The following ACAP1 variants were observed in gnomAD, a reference collection of about 807,000 sequenced individuals.
The protein encoded by ACAP1 is arf-GAP with coiled-coil, ANK repeat and PH domain-containing protein 1.
A neutral mutation model predicts 98.8 loss-of-function variants in ACAP1; 45 were observed. The ratio of observed to expected loss-of-function variants is 0.46; its 90% CI spans 0.36 to 0.58. ACAP1 has a LOEUF of 0.58. ACAP1 is among the 20% of genes least tolerant of loss of function. ACAP1 has a pLI of 0.00. For synonymous variants in ACAP1, 362 were observed against 375.3 expected, an observed-to-expected ratio of 0.96 and a Z score of 0.41; for missense variants, 735 against 971.4, an observed-to-expected ratio of 0.76 and a Z score of 3.24.
In ACAP1 at chr17:7,348,303, C is replaced by T. The variant is rs754515018; in HGVS notation, c.1509-3C>T. 6.3e-7 allele frequency: 1 copy of T among 1,589,938 alleles called. No homozygotes were observed. ...AAGACTGCGTGCTTCTCCCCTCCCA[C>T]AGGCAGGAGAAGGAGGCCTGGATTC... On this transcript the variant is annotated splice_polypyrimidine_tract_variant and splice_region_variant and intron_variant, in intron 16 of 21. Coordinates refer to ENST00000158762, the MANE Select transcript of ACAP1 (RefSeq NM_014716.4).
At position 7,350,861 on chromosome 17, in the gene ACAP1, C is replaced by G. The variant is rs2073400827; in HGVS notation, c.2073-89C>G. 1 of 1,304,266 alleles carries G rather than the reference C, an allele frequency of 7.7e-7. No individual in the cohort carries two copies. Among genetic ancestry groups the G allele is most frequent in the Non-Finnish European group, 1.1e-6 (1 of 903,902 alleles). 80.8% of individuals were successfully genotyped at this position (1,304,266 alleles called of 1,614,324 possible). A position where few individuals can be genotyped will look rare whatever the true frequency, so the allele number is the denominator to read the frequency against. ...TCCTGACCTCGTGATCCGCCTGCCT[C>G]GGCCTCCCAAAGTGTTGGGATTACA... is the stretch of plus-strand genomic sequence containing the variant. On this transcript the variant is annotated intron_variant, in intron 20 of 21. Coordinates refer to ENST00000158762, the MANE Select transcript of ACAP1 (RefSeq NM_014716.4). The surrounding 1 kb of genome is among the most constrained non-coding windows in gnomAD (Gnocchi z 4.6).
chr17:7,350,727 G>A lies in ACAP1; in HGVS notation c.2073-223G>A, dbSNP rs997235890. 1 of 503,384 alleles carries A rather than the reference G, an allele frequency of 2.0e-6. No homozygotes were observed. The highest frequency in any genetic ancestry group is 3.6e-6 in the Non-Finnish European group (1 of 278,026). The allele number at this position is 503,384 out of a possible 1,614,324, so 31.2% of individuals were successfully genotyped here. A position where few individuals can be genotyped will look rare whatever the true frequency, so the allele number is the denominator to read the frequency against. The stretch of plus-strand genomic sequence containing the variant: ...GGGTTCAAGCGATTCTCCTGTCTCA[G>A]CCTCCCCTGAGTAGCTGGGACTACA... On this transcript the variant is annotated intron_variant, in intron 20 of 21. Transcript: ENST00000158762. The surrounding 1 kb of genome is among the most constrained non-coding windows in gnomAD (Gnocchi z 4.6).
chr17:7,348,373 A>G lies in ACAP1; in HGVS notation c.1576A>G (p.Ile526Val). The G allele has an allele frequency of 6.4e-7, 1 of 1,573,576 alleles. No homozygotes were observed. The highest frequency in any genetic ancestry group is 8.6e-7 in the Non-Finnish European group (1 of 1,157,614). ...EKKFLTKLPEIRGRRGGRGRP... is the reference protein window; with the variant it reads ...EKKFLTKLPEVRGRRGGRGRP... ...GAAGTTCCTGACCAAGCTGCCTGAG[A>G]TTCGAGGGCGAAGAGGTGGCCGGGG... is the stretch of plus-strand genomic sequence containing the variant. Residue 526 changes from isoleucine (I) to valine (V), a missense_variant, in exon 17 of 22, where the codon ATT becomes GTT. By Grantham distance (29) the Ile-to-Val change is conservative. This residue lies in a region of ACAP1 where 80 missense variants were observed against 64.4 expected (regional missense o/e 1.24). Coordinates refer to ENST00000158762, the MANE Select transcript of ACAP1 (RefSeq NM_014716.4).
In ACAP1 at chr17:7,337,351, G is replaced by A. The variant is rs757082855; in HGVS notation, c.93G>A (p.Leu31=). The change falls in exon 2 of 22, where the codon TTG becomes TTA. Residue 31 remains leucine (L), a synonymous_variant. Transcript: ENST00000158762. Reference sequence around the variant, plus strand: ...TGGTGGAAGCCGAAGTGTCAGAATTGGAGACCCGTCTGGAAAAGGTGACCC... The same window carrying A: ...TGGTGGAAGCCGAAGTGTCAGAATTAGAGACCCGTCTGGAAAAGGTGACCC... ...IELVEAEVSE[L]ETRLEKLLKL... is the part of the protein sequence containing the mutation. 1 of 1,614,158 alleles carries A rather than the reference G, an allele frequency of 6.2e-7. No individual in the cohort carries two copies. Among genetic ancestry groups the A allele is most frequent in the Non-Finnish European group, 8.5e-7 (1 of 1,180,016 alleles).
Position 7,350,543 on chromosome 17 carries a change from G to T in ACAP1, c.2072+306G>T, listed in dbSNP as rs1473137097. The T allele has an allele frequency of 2.1e-5, 10 of 483,180 alleles. No individual in the cohort carries two copies. The highest frequency in any genetic ancestry group is 7.6e-5 in the East Asian group (2 of 26,486). 29.9% of individuals were successfully genotyped at this position (483,180 alleles called of 1,614,324 possible). A position where few individuals can be genotyped will look rare whatever the true frequency, so the allele number is the denominator to read the frequency against. ...TTTAGCACTAGACGTGACCCCGGGG[G>T]TGGGGGCAGATGAACGGAACGCAAC... is the stretch of plus-strand genomic sequence containing the variant. On this transcript the variant is annotated intron_variant, in intron 20 of 21. Transcript: ENST00000158762. The surrounding 1 kb of genome is among the most constrained non-coding windows in gnomAD (Gnocchi z 4.6).
intron 4 of ACAP1, 30 bp downstream of exon 4, chr17:7,342,358 G>T (rs765284674): frequency 6.8e-6 from 11 of 1,613,992 alleles, no homozygotes; most frequent in Admixed American, 1.7e-5. Context: ...GATTGTCGGG[G>T]TGGTGGCCAG....
rs376999204 is a variant in ACAP1, at chr17:7,337,387, A to G, written c.111+18A>G. 2.5e-6 allele frequency: 4 copies of G among 1,613,130 alleles called. No individual in the cohort carries two copies. Among genetic ancestry groups the G allele is most frequent in the East Asian group, 2.2e-5 (1 of 44,880 alleles). On this transcript the variant is annotated intron_variant, in intron 2 of 21. Coordinates refer to ENST00000158762, the MANE Select transcript of ACAP1 (RefSeq NM_014716.4). ...TGGAAAAGGTGACCCTGACATGGAG[A>G]GGTGACCCAGGAGTGGATTAGGTTG...
In ACAP1 at chr17:7,348,996, G is replaced by A. The variant is rs2073375862; in HGVS notation, c.1680G>A (p.Glu560=). ...PRPGSLRSKP[E]PPSEDLGSLH... ...AACAGAACCAAATCCCCCGAACAGAGCCCCCCTCTGAGGACCTGGGAAGCC... is the reference window on the plus strand; with the variant it reads ...AACAGAACCAAATCCCCCGAACAGAACCCCCCTCTGAGGACCTGGGAAGCC... The change falls in exon 18 of 22, where the codon GAG becomes GAA. Residue 560 remains glutamate, a splice_region_variant and synonymous_variant. Coordinates refer to ENST00000158762, the MANE Select transcript of ACAP1 (RefSeq NM_014716.4). 6.2e-7 allele frequency: 1 copy of A among 1,612,478 alleles called. No individual in the cohort carries two copies. Among genetic ancestry groups the A allele is most frequent in the South Asian group, 1.1e-5 (1 of 91,014 alleles).
At position 7,342,001 on chromosome 17, in the gene ACAP1, C is replaced by T. The variant is rs774747507; in HGVS notation, c.165C>T (p.Ala55=). 1.2e-6 allele frequency: 2 copies of T among 1,614,152 alleles called. No individual in the cohort carries two copies. Among genetic ancestry groups the T allele is most frequent in the South Asian group, 1.1e-5 (1 of 91,080 alleles). The change falls in exon 3 of 22, where the codon GCC becomes GCT. Residue 55 remains alanine, a synonymous_variant. Coordinates refer to ENST00000158762, the MANE Select transcript of ACAP1 (RefSeq NM_014716.4). ...LLESGRHYLA[A]SRAFVVGICD... is the part of the protein sequence containing the mutation. ...AAAGTGGGCGCCATTACCTTGCTGCCAGCCGCGCCTTCGTTGTCGGCATTT... is the reference window on the plus strand; with the variant it reads ...AAAGTGGGCGCCATTACCTTGCTGCTAGCCGCGCCTTCGTTGTCGGCATTT...
intron 14 of ACAP1, 98 bp from the exon 15 acceptor site, chr17:7,347,824 A>G: frequency 1.9e-6 from 2 of 1,043,898 alleles, no homozygotes; most frequent in East Asian, 4.8e-5. Context: ...ACGGGCCCCC[A>G]TGCCAGCCTT....
At position 7,343,781 on chromosome 17, in the gene ACAP1, G is replaced by A. The variant is rs1848166130; in HGVS notation, c.573+31G>A. The A allele has an allele frequency of 6.2e-7, 1 of 1,612,922 alleles. No individual in the cohort carries two copies. The highest frequency in any genetic ancestry group is 1.3e-5 in the African/African-American group (1 of 74,892). On this transcript the variant is annotated intron_variant, in intron 7 of 21. Transcript: ENST00000158762. This position sits in a 1 kb window ranked among gnomAD's most constrained non-coding sequence, Gnocchi z 4.9. ...TTGTGGCGGGGGTGAGGGCAGGGTGGAGAAGAGCCTGCTGCCAGCACAAGG... is the reference window on the plus strand; with the variant it reads ...TTGTGGCGGGGGTGAGGGCAGGGTGAAGAAGAGCCTGCTGCCAGCACAAGG...
chr17:7,341,893 A>G, intron 2 of ACAP1, 55 bp from the exon 3 acceptor site: 1 of 1,605,636 alleles, frequency 6.2e-7, no homozygotes, highest in South Asian at 1.1e-5. Context: ...GTGTGGGGGC[A>G]TCACCAGGTG....
chr17:7,348,300 C>T lies in ACAP1; in HGVS notation c.1509-6C>T. 6.3e-7 allele frequency: 1 copy of T among 1,590,440 alleles called. No homozygotes were observed. Among genetic ancestry groups the T allele is most frequent in the South Asian group, 1.1e-5 (1 of 88,760 alleles). Reference sequence around the variant, plus strand: ...GGGAAGACTGCGTGCTTCTCCCCTCCCACAGGCAGGAGAAGGAGGCCTGGA... The same window carrying T: ...GGGAAGACTGCGTGCTTCTCCCCTCTCACAGGCAGGAGAAGGAGGCCTGGA... On this transcript the variant is annotated splice_polypyrimidine_tract_variant and splice_region_variant and intron_variant, in intron 16 of 21. Coordinates refer to ENST00000158762, the MANE Select transcript of ACAP1 (RefSeq NM_014716.4).
Position 7,341,984 on chromosome 17 carries a change from C to A in ACAP1, c.148C>A (p.Arg50Ser). The A allele has an allele frequency of 2.5e-6, 4 of 1,614,156 alleles. No homozygotes were observed. The highest frequency in any genetic ancestry group is 3.3e-5 in the Admixed American group (2 of 60,010). The change falls in exon 3 of 22, where the codon CGC (arginine) becomes AGC (serine). Residue 50 changes from arginine to serine, a missense_variant. Physicochemically the swap from Arg to Ser is moderately radical, Grantham distance 110. This residue lies in a region of ACAP1 where 430 missense variants were observed against 531.8 expected (regional missense o/e 0.81). Coordinates refer to ENST00000158762, the MANE Select transcript of ACAP1 (RefSeq NM_014716.4). ...GGGCACTGGTCTCCTGGAAAGTGGG[C>A]GCCATTACCTTGCTGCCAGCCGCGC... is the stretch of plus-strand genomic sequence containing the variant. The part of the protein sequence containing the change: ...KLGTGLLESG[R>S]HYLAASRAFV...
At position 7,342,694 on chromosome 17, in the gene ACAP1, G is replaced by A. The variant is rs1025160633; in HGVS notation, c.344+220G>A. 6 of 591,678 alleles carry A rather than the reference G, an allele frequency of 1.0e-5. No homozygotes were observed. In the African/African-American group the frequency reaches 1.1e-4, roughly 11 times the overall value. The allele number at this position is 591,678 out of a possible 1,614,324, so 36.7% of individuals were successfully genotyped here. A position where few individuals can be genotyped will look rare whatever the true frequency, so the allele number is the denominator to read the frequency against. ...GCGGGCGGATCACCTGAGGTCGGGA[G>A]TTCGAGACCAGCCTGTCTAACATGG... On this transcript the variant is annotated intron_variant, in intron 5 of 21. Transcript: ENST00000158762.
Position 7,346,848 on chromosome 17 carries a change from C to T in ACAP1, c.1048C>T (p.Leu350=), listed in dbSNP as rs1411779546. 3.5e-5 allele frequency: 56 copies of T among 1,613,586 alleles called. No homozygotes were observed. The highest frequency in any genetic ancestry group is 4.7e-5 in the Non-Finnish European group (56 of 1,179,558). The change falls in exon 13 of 22, where the codon CTG becomes TTG. Residue 350 remains leucine, a synonymous_variant. Transcript: ENST00000158762. ...GGCTGACTCAGAGCGCCTCCTGCAGCTGTGGGTCAGTGCTGTGCAGAGCAG... is the reference window on the plus strand; with the variant it reads ...GGCTGACTCAGAGCGCCTCCTGCAGTTGTGGGTCAGTGCTGTGCAGAGCAG... ...LQADSERLLQ[L]WVSAVQSSIA... is the part of the protein sequence containing the mutation.
Position 7,343,319 on chromosome 17 carries a change from A to G in ACAP1, c.345-60A>G. On this transcript the variant is annotated intron_variant, in intron 5 of 21. Transcript: ENST00000158762. The surrounding 1 kb of genome is among the most constrained non-coding windows in gnomAD (Gnocchi z 4.9). Reference sequence around the variant, plus strand: ...AAGGACATGAGGGCTTTACCCTGGGAATGCTCTGCTGGGGCAGGTGGGTGT... The same window carrying G: ...AAGGACATGAGGGCTTTACCCTGGGGATGCTCTGCTGGGGCAGGTGGGTGT... 6.5e-7 allele frequency: 1 copy of G among 1,530,518 alleles called. No individual in the cohort carries two copies. Among genetic ancestry groups the G allele is most frequent in the Non-Finnish European group, 8.9e-7 (1 of 1,125,644 alleles). 94.8% of individuals were successfully genotyped at this position (1,530,518 alleles called of 1,614,324 possible). A position where few individuals can be genotyped will look rare whatever the true frequency, so the allele number is the denominator to read the frequency against.
At chr17:7,351,102 T>A in intron 21 of ACAP1, 103 bp downstream of exon 21, 1 of 1,288,148 alleles carries the variant, frequency 7.8e-7, no homozygotes, top group Non-Finnish European at 1.1e-6. Context: ...TTCATTCCGT[T>A]ATTTAACAAA....
intron 10 of ACAP1, among the ~76,000 whole-genome samples, chr17:7,345,176 C>T (rs890036684): frequency 3.9e-5 from 6 of 152,102 alleles, no homozygotes; most frequent in Non-Finnish European, 7.4e-5. Context: ...AATTGGGAGC[C>T]GCTATAGGGT....
Sources: gnomAD v4.1 joint callset for allele counts (sites outside exome capture counted in the v4.1 genomes callset) on GRCh38, gnomAD v4.1.1 for gene constraint, gnomAD v4.1.1 regional missense constraint, Gnocchi (gnomAD v3.1) non-coding constraint, MANE v1.5 for transcripts, NCBI Gene and HGNC (gene_info 2026-07-23, HGNC 2026-07-21) for gene names.